EDIL3: variants seen among roughly 807,000 people sequenced by gnomAD.
EDIL3 encodes EGF-like repeat and discoidin I-like domain-containing protein 3.
EDIL3 carries 37 observed loss-of-function variants against 67.4 expected under a neutral mutation model. The ratio of observed to expected loss-of-function variants is 0.55; its 90% confidence interval spans 0.42 to 0.72. The LOEUF is 0.72. Ranked by LOEUF, EDIL3 falls within the 30% of genes least tolerant of loss-of-function variation. The pLI, the probability that EDIL3 is intolerant of heterozygous loss-of-function variation, is 0.00. For missense variants in EDIL3, 527 were observed against 586.3 expected, an observed-to-expected ratio of 0.90 and a Z score of 1.04; for synonymous variants, 195 against 196.3, an observed-to-expected ratio of 0.99 and a Z score of 0.05.
At chr5:84,243,211 A>C (rs920608075) in intron 2 of EDIL3, among the ~76,000 whole-genome samples, 6 of 151,912 alleles carry the variant, frequency 3.9e-5, no homozygotes, top group African/African-American at 1.2e-4. Context: ...CTGCCCACAC[A>C]CTTCAGTGTT....
intron 1 of EDIL3, among the ~76,000 whole-genome samples, chr5:84,344,253 A>G (rs977864111): frequency 2.0e-5 from 3 of 152,080 alleles, no homozygotes; most frequent in Non-Finnish European, 4.4e-5. Flanking sequence ...CCATTTACCA[A>G]TTCCTTTTCA....
rs1463754293 is a variant in EDIL3 at position 84,076,083 on chromosome 5, A to C, written c.652-9477T>G. 2.0e-5 allele frequency among the ~76,000 whole-genome samples: 3 copies of C among 151,734 alleles called. No individual in the cohort carries two copies. In the East Asian group the frequency reaches 5.8e-4, roughly 29 times the overall value. On this transcript the variant is annotated intron_variant, in intron 6 of 10. Transcript: ENST00000296591. ...CCATTAACACTACATTTTTATGAAA[A>C]TAATTATATTGTTCAAAAACAAACA... is the stretch of plus-strand genomic sequence containing the variant.
At chr5:84,006,373 CAA>C (rs1367624643) in intron 9 of EDIL3, among the ~76,000 whole-genome samples, 3 of 151,660 alleles carry the variant, frequency 2.0e-5, no homozygotes, top group Non-Finnish European at 2.9e-5. Flanking sequence ...CAAAACAAAA[CAA>C]AACAAAACAA....
chr5:84,105,819 G>A (rs1747450063), intron 6 of EDIL3, among the ~76,000 whole-genome samples: 1 of 152,002 alleles, frequency 6.6e-6, no homozygotes, highest in African/African-American at 2.4e-5. Flanking sequence ...TCTACTGAAA[G>A]CCATCCTTCT....
chr5:84,107,368 ATC>A (rs2112284214), intron 5 of EDIL3, among the ~76,000 whole-genome samples: 1 of 152,094 alleles, frequency 6.6e-6, no homozygotes, highest in South Asian at 2.1e-4. Flanking sequence ...AAATGGGTAA[ATC>A]TGTTAACATT....
intron 1 of EDIL3, among the ~76,000 whole-genome samples, chr5:84,286,522 A>G (rs1175259611): frequency 1.3e-5 from 2 of 152,172 alleles, no homozygotes; most frequent in African/African-American, 4.8e-5. Flanking sequence ...ATGAATCAAG[A>G]CAATATATTT....
intron 4 of EDIL3, among the ~76,000 whole-genome samples, chr5:84,156,946 A>G (rs556999104): frequency 2.0e-5 from 3 of 152,282 alleles, no homozygotes; most frequent in Admixed American, 6.5e-5. Context: ...CGTCATAGAC[A>G]CCGAAAGAGA....
chr5:84,283,252 T>G (rs1441620925), intron 1 of EDIL3, among the ~76,000 whole-genome samples: 1 of 152,180 alleles, frequency 6.6e-6, no homozygotes, highest in East Asian at 1.9e-4. Flanking sequence ...GATGATACAA[T>G]AATCATAACA....
chr5:84,072,650 G>A (rs949392357), intron 6 of EDIL3, among the ~76,000 whole-genome samples: 2 of 152,214 alleles, frequency 1.3e-5, no homozygotes, highest in Non-Finnish European at 1.5e-5. Flanking sequence ...GTAAACTGAT[G>A]TTGGCAAAAA....
chr5:84,085,031 C>T (rs1383906725), intron 6 of EDIL3, among the ~76,000 whole-genome samples: 2 of 152,152 alleles, frequency 1.3e-5, no homozygotes, highest in African/African-American at 2.4e-5. Context: ...AGAAATTTTA[C>T]ATAATTTTAA....
intron 9 of EDIL3, among the ~76,000 whole-genome samples, chr5:84,020,865 A>C (rs1206738405): frequency 3.9e-5 from 6 of 152,104 alleles, no homozygotes; most frequent in Non-Finnish European, 8.8e-5. Flanking sequence ...ATACACATAC[A>C]TATACCAACA....
At chr5:84,021,998 C>T (rs1745725803) in intron 9 of EDIL3, among the ~76,000 whole-genome samples, 1 of 151,824 alleles carries the variant, frequency 6.6e-6, no homozygotes, top group South Asian at 2.1e-4. Flanking sequence ...ACCAATCCTC[C>T]CCAAGTTATT....
intron 9 of EDIL3, among the ~76,000 whole-genome samples, chr5:83,972,079 T>A (rs1744803334): frequency 6.6e-6 from 1 of 152,162 alleles, no homozygotes; most frequent in Non-Finnish European, 1.5e-5. Context: ...CAACTTGGTC[T>A]ATGTTATTTG....
chr5:84,116,613 A>G (rs1209256492), intron 5 of EDIL3, among the ~76,000 whole-genome samples: 1 of 152,184 alleles, frequency 6.6e-6, no homozygotes, highest in Non-Finnish European at 1.5e-5. Flanking sequence ...TGAATTCTTG[A>G]TAATATGTAT....
At chr5:84,173,792 A>G (rs1409520665) in intron 4 of EDIL3, among the ~76,000 whole-genome samples, 2 of 152,136 alleles carry the variant, frequency 1.3e-5, no homozygotes. Flanking sequence ...CAAGTGAGGG[A>G]GATGTCCCCA....
At position 83,940,786 on chromosome 5, in the gene EDIL3, T is replaced by C. The variant is rs765016365; in HGVS notation, c.*2633A>G. ...AATGACACATCAGACGCATTGAGTA[T>C]ATTTCATAAGTTGTTGACTAGCAAA... On this transcript the variant is annotated 3_prime_UTR_variant, in exon 11 of 11. Coordinates refer to ENST00000296591, the MANE Select transcript of EDIL3 (RefSeq NM_005711.5). 6 of 151,982 alleles carry C rather than the reference T, an allele frequency of 3.9e-5. No homozygotes were observed. The highest frequency in any genetic ancestry group is 7.4e-5 in the Non-Finnish European group (5 of 67,880). The allele number at this position is 151,982 out of a possible 1,614,324, so 9.4% of individuals were successfully genotyped here.
intron 2 of EDIL3, among the ~76,000 whole-genome samples, chr5:84,236,022 G>C (rs1382633943): frequency 6.6e-6 from 1 of 151,978 alleles, no homozygotes; most frequent in Non-Finnish European, 1.5e-5. Context: ...TTAATGTTTA[G>C]TGGTGATATA....
chr5:83,966,761 A>G (rs970875551), intron 9 of EDIL3, among the ~76,000 whole-genome samples: 2 of 152,078 alleles, frequency 1.3e-5, no homozygotes, highest in Admixed American at 6.6e-5. Context: ...TAAACACTAT[A>G]TAGTAAGTAC....
intron 4 of EDIL3, among the ~76,000 whole-genome samples, chr5:84,160,783 TCC>T (rs1491072776): frequency 8.1e-5 from 5 of 61,936 alleles, no homozygotes; most frequent in African/African-American, 2.4e-4. Flanking sequence ...TCCTTTCCTT[TCC>T]TTTCCTTTCC....
Sources: gnomAD v4.1 joint callset for allele counts (sites outside exome capture counted in the v4.1 genomes callset) on GRCh38, gnomAD v4.1.1 for gene constraint, MANE v1.5 for transcripts, NCBI Gene and HGNC (gene_info 2026-07-23, HGNC 2026-07-21) for gene names.